The following MACROD2 variants were observed in gnomAD, a reference collection of about 807,000 sequenced individuals.
MACROD2 encodes mono-ADP ribosylhydrolase 2, also known as ADP-ribose glycohydrolase MACROD2.
In MACROD2, 36 loss-of-function variants were observed where a neutral mutation model predicts 70.4. The observed-to-expected ratio is 0.51, with a 90% CI of 0.39 to 0.68. The LOEUF (loss-of-function observed/expected upper bound fraction) is 0.68, where lower values mean the gene tolerates loss of function less well. Ranked by LOEUF, MACROD2 falls within the 30% of genes least tolerant of loss-of-function variation. The pLI is 0.00. For missense variants in MACROD2, 496 were observed against 538.4 expected (o/e 0.92, Z 0.78); for synonymous variants, 172 against 178.8 (o/e 0.96, Z 0.30).
In MACROD2 at chr20:14,074,841, GAAAT is replaced by G. The variant is rs143957715; in HGVS notation, c.164-10773_164-10770del. On this transcript the variant is annotated intron_variant, in intron 2 of 17. Coordinates refer to ENST00000684519, the MANE Select transcript of MACROD2 (RefSeq NM_001351661.2). The stretch of plus-strand genomic sequence containing the variant: ...TGAAAATATTAGGTAGAAAATTCCA[GAAAT>G]AAATAATTTGTAAGCTTTAAATTTT... Among the ~76,000 whole-genome samples the G allele has an allele frequency of 2.5e-3, 385 of 152,304 alleles. 1 individual carries two copies. The highest frequency in any genetic ancestry group is 8.8e-3 in the African/African-American group (364 of 41,570).
intron 8 of MACROD2, among the ~76,000 whole-genome samples, chr20:15,515,641 T>C (rs1213747896): frequency 6.6e-6 from 1 of 152,212 alleles, no homozygotes; most frequent in African/African-American, 2.4e-5. Context: ...TAAAAAGCTT[T>C]GACAAAAATG....
At chr20:14,294,634 A>G (rs1298283063) in intron 3 of MACROD2, among the ~76,000 whole-genome samples, 1 of 151,882 alleles carries the variant, frequency 6.6e-6, no homozygotes, top group African/African-American at 2.4e-5. Context: ...GCTACGGCAT[A>G]ACGTGTATAT....
intron 6 of MACROD2, among the ~76,000 whole-genome samples, chr20:15,240,493 C>T (rs1005775871): frequency 2.0e-5 from 3 of 152,164 alleles, no homozygotes; most frequent in Middle Eastern, 3.4e-3. Flanking sequence ...CATTTGAGCC[C>T]ACGAGTTAGT....
At position 14,325,493 on chromosome 20, in the gene MACROD2, C is replaced by T. The variant is rs141347896; in HGVS notation, c.272-167986C>T. ...CAGTGTTTTGCAGTAGAACAGGGTT[C>T]CTACCATCACCTCCCTTAGGTTTAA... is the stretch of plus-strand genomic sequence containing the variant. On this transcript the variant is annotated intron_variant, in intron 3 of 17. Coordinates refer to ENST00000684519, the MANE Select transcript of MACROD2 (RefSeq NM_001351661.2). The T allele has an allele frequency of 3.8e-5, 57 of 1,508,692 alleles. No individual in the cohort carries two copies. The African/African-American group carries it at 7.2e-4, about 19-fold the overall frequency. The allele number at this position is 1,508,692 out of a possible 1,614,324, so 93.5% of individuals were successfully genotyped here.
chr20:15,230,172 G>A, intron 6 of MACROD2, 111 bp downstream of exon 6: 1 of 1,046,114 alleles, frequency 9.6e-7, no homozygotes, highest in Non-Finnish European at 1.3e-6. Flanking sequence ...TGAGAACTAA[G>A]TTTAAGGATC....
At chr20:15,222,965 T>C (rs546937403) in intron 5 of MACROD2, among the ~76,000 whole-genome samples, 7 of 152,270 alleles carry the variant, frequency 4.6e-5, no homozygotes, top group Admixed American at 2.0e-4. Flanking sequence ...AAGTAGGCTC[T>C]CCCCCACACC....
chr20:15,707,819 T>TA (rs556668823), intron 8 of MACROD2, among the ~76,000 whole-genome samples: 5,742 of 144,210 alleles, frequency 0.04, 360 homozygotes, highest in African/African-American at 0.13. Context: ...TTACAAAACG[T>TA]AAAAAAAAAA....
intron 8 of MACROD2, among the ~76,000 whole-genome samples, chr20:15,747,456 A>C (rs1002800380): frequency 2.1e-4 from 32 of 152,288 alleles, no homozygotes; most frequent in African/African-American, 7.5e-4. Flanking sequence ...GTCCTTAGTG[A>C]TGAATGAAGA....
chr20:15,781,817 G>A (rs1425502834), intron 8 of MACROD2, among the ~76,000 whole-genome samples: 3 of 152,120 alleles, frequency 2.0e-5, no homozygotes, highest in Non-Finnish European at 4.4e-5. Flanking sequence ...TGAAAAGAAG[G>A]TAAAAATCCT....
intron 8 of MACROD2, among the ~76,000 whole-genome samples, chr20:15,529,770 C>T (rs1486892288): frequency 6.6e-6 from 1 of 152,120 alleles, no homozygotes; most frequent in East Asian, 1.9e-4. Context: ...GCCCCCCCCA[C>T]CTTTGACCGA....
chr20:14,136,183 G>A (rs1379704235), intron 3 of MACROD2, among the ~76,000 whole-genome samples: 3 of 152,086 alleles, frequency 2.0e-5, no homozygotes, highest in Admixed American at 6.5e-5. Context: ...TTTCTATATA[G>A]TAGCAGCACT....
chr20:15,041,453 C>T (rs991285882), intron 5 of MACROD2, among the ~76,000 whole-genome samples: 4 of 151,856 alleles, frequency 2.6e-5, no homozygotes, highest in African/African-American at 9.7e-5. Context: ...CTCTCTCTCT[C>T]TTACTTTTTT....
At chr20:15,457,428 T>C (rs2046743383) in intron 7 of MACROD2, among the ~76,000 whole-genome samples, 1 of 152,174 alleles carries the variant, frequency 6.6e-6, no homozygotes, top group African/African-American at 2.4e-5. Context: ...ATGTTACCAA[T>C]TTATTTCATG....
In MACROD2 at chr20:14,870,761, G is replaced by A; in HGVS notation, c.418+185802G>A. ...GTATGCTTTCTTTTGAAAAGTGTCTGTTCATGTCCTTGCCCACTTTTTAAT... is the reference window on the plus strand; with the variant it reads ...GTATGCTTTCTTTTGAAAAGTGTCTATTCATGTCCTTGCCCACTTTTTAAT... On this transcript the variant is annotated intron_variant, in intron 5 of 17. Transcript: ENST00000684519. Among the ~76,000 whole-genome samples, 3 of 151,896 alleles carry A rather than the reference G, an allele frequency of 2.0e-5. 1 individual carries two copies. Among genetic ancestry groups the A allele is most frequent in the Non-Finnish European group, 4.4e-5 (3 of 67,964 alleles).
intron 8 of MACROD2, among the ~76,000 whole-genome samples, chr20:15,815,697 A>G (rs1380420036): frequency 6.6e-6 from 1 of 152,316 alleles, no homozygotes; most frequent in Middle Eastern, 3.4e-3. Context: ...ACTTCCTGGA[A>G]AAATTATCTC....
chr20:14,428,993 A>G (rs1359036628), intron 3 of MACROD2, among the ~76,000 whole-genome samples: 1 of 152,184 alleles, frequency 6.6e-6, no homozygotes, highest in Non-Finnish European at 1.5e-5. Context: ...ACTTCCCTCT[A>G]AATTTAGGAC....
At chr20:15,687,301 T>TTA (rs1281715892) in intron 8 of MACROD2, among the ~76,000 whole-genome samples, 175 of 147,328 alleles carry the variant, frequency 1.2e-3, no homozygotes, top group African/African-American at 3.5e-3. Context: ...TATATATATT[T>TTA]TATATATATA....
intron 2 of MACROD2, among the ~76,000 whole-genome samples, chr20:14,054,335 G>A (rs1233899648): frequency 6.6e-6 from 1 of 151,982 alleles, no homozygotes; most frequent in East Asian, 1.9e-4. Context: ...AGCTCCAAGA[G>A]GGGAGTTTCC....
chr20:15,548,332 G>C (rs1371586967), intron 8 of MACROD2, among the ~76,000 whole-genome samples: 2 of 152,142 alleles, frequency 1.3e-5, no homozygotes, highest in Non-Finnish European at 2.9e-5. Context: ...TCCTCCCTTT[G>C]AGAGGAGGAG....
Sources: gnomAD v4.1 joint callset for allele counts (sites outside exome capture counted in the v4.1 genomes callset) on GRCh38, gnomAD v4.1.1 for gene constraint, MANE v1.5 for transcripts, NCBI Gene and HGNC (gene_info 2026-07-23, HGNC 2026-07-21) for gene names.